PDZD2: variants seen among roughly 807,000 people sequenced by gnomAD.
PDZD2 encodes the protein PDZ domain containing 2, also known as PDZ domain-containing protein 2.
Under a neutral mutation model 220.7 loss-of-function variants are expected in PDZD2, and 90 were observed. The ratio of observed to expected loss-of-function variants is 0.41; its 90% CI spans 0.34 to 0.49. PDZD2 has a LOEUF of 0.49. PDZD2 is among the 20% of genes least tolerant of loss of function. PDZD2 has a pLI of 0.28. For missense variants in PDZD2, 3,174 were observed against 3,608.5 expected (o/e 0.88, Z 3.08); for synonymous variants, 1,375 against 1,450.5 (o/e 0.95, Z 1.18).
intron 2 of PDZD2, among the ~76,000 whole-genome samples, chr5:31,803,809 C>A (rs1167428420): frequency 6.6e-6 from 1 of 151,914 alleles, no homozygotes; most frequent in Non-Finnish European, 1.5e-5. Context: ...GCCGAGATGG[C>A]AAGATTGCTT....
At chr5:32,013,414 ACAC>A (rs1318400450) in intron 6 of PDZD2, among the ~76,000 whole-genome samples, 4 of 147,878 alleles carry the variant, frequency 2.7e-5, no homozygotes, top group Admixed American at 6.9e-5. Flanking sequence ...ATAGTAATTT[ACAC>A]TTGTAGGATA....
At chr5:31,777,882 A>G (rs142613150) in intron 1 of PDZD2, among the ~76,000 whole-genome samples, 69 of 152,350 alleles carry the variant, frequency 4.5e-4, no homozygotes, top group African/African-American at 1.7e-3. Flanking sequence ...TTCACCAATC[A>G]ACACTCTGTG....
intron 1 of PDZD2, among the ~76,000 whole-genome samples, chr5:31,719,443 GAC>G (rs1748649049): frequency 6.6e-6 from 1 of 152,148 alleles, no homozygotes. Flanking sequence ...TGAACTTGCC[GAC>G]AAAACAGTAG....
chr5:31,766,030 A>T (rs1462586585), intron 1 of PDZD2, among the ~76,000 whole-genome samples: 1 of 152,128 alleles, frequency 6.6e-6, no homozygotes, highest in Admixed American at 6.5e-5. Context: ...AATTACAAAA[A>T]TTAGCTGGGC....
intron 1 of PDZD2, among the ~76,000 whole-genome samples, chr5:31,737,464 G>A (rs186468506): frequency 3.1e-3 from 476 of 152,252 alleles, no homozygotes; most frequent in Middle Eastern, 6.8e-3. Flanking sequence ...GAGCTACCGC[G>A]CCCGGCCAGA....
At position 31,928,125 on chromosome 5, in the gene PDZD2, G is replaced by A. The variant is rs372890919; in HGVS notation, c.477-55030G>A. Among the ~76,000 whole-genome samples the A allele has an allele frequency of 3.9e-5, 6 of 152,204 alleles. No homozygotes were observed. The South Asian group carries it at 1.0e-3, about 26-fold the overall frequency. On this transcript the variant is annotated intron_variant, in intron 2 of 24. Coordinates refer to ENST00000438447, the MANE Select transcript of PDZD2 (RefSeq NM_178140.4). ...AAACTGAGATGGCCCTCTGCTGAAG[G>A]GGAGTGCAAATCAGACAGCCAAGGA... is the stretch of plus-strand genomic sequence containing the variant.
chr5:32,007,885 T>C (rs1384067093), intron 5 of PDZD2, among the ~76,000 whole-genome samples: 1 of 152,150 alleles, frequency 6.6e-6, no homozygotes, highest in Admixed American at 6.6e-5. Flanking sequence ...TGGTCCGCAT[T>C]TGCAGCAAGG....
intron 1 of PDZD2, among the ~76,000 whole-genome samples, chr5:31,751,060 T>C (rs531412187): frequency 2.0e-5 from 3 of 152,108 alleles, no homozygotes; most frequent in Non-Finnish European, 4.4e-5. Flanking sequence ...CTGGCCAATG[T>C]GGTGAAACCC....
intron 1 of PDZD2, among the ~76,000 whole-genome samples, chr5:31,700,940 G>A (rs1406304282): frequency 2.0e-5 from 3 of 152,164 alleles, no homozygotes; most frequent in African/African-American, 7.2e-5. Context: ...ATCTCCTGGG[G>A]GGCTGTCTTC....
intron 2 of PDZD2, among the ~76,000 whole-genome samples, chr5:31,899,618 T>C (rs1456816443): frequency 6.6e-6 from 1 of 152,208 alleles, no homozygotes; most frequent in Non-Finnish European, 1.5e-5. Flanking sequence ...GAGTTACTTA[T>C]TTTCACTGAA....
At chr5:31,712,573 T>C (rs1021280826) in intron 1 of PDZD2, among the ~76,000 whole-genome samples, 1 of 152,040 alleles carries the variant, frequency 6.6e-6, no homozygotes, top group Admixed American at 6.6e-5. Flanking sequence ...CTAGATTTCT[T>C]ACATGGCAGC....
intron 1 of PDZD2, among the ~76,000 whole-genome samples, chr5:31,717,333 G>C (rs1278401991): frequency 6.6e-6 from 1 of 152,142 alleles, no homozygotes; most frequent in African/African-American, 2.4e-5. Flanking sequence ...CTAAATCGCT[G>C]TCTCTGCCCT....
chr5:32,002,908 C>CA (rs1561314193), intron 5 of PDZD2, among the ~76,000 whole-genome samples: 2 of 81,464 alleles, frequency 2.5e-5, no homozygotes, highest in Admixed American at 1.3e-4. Flanking sequence ...CACACCCCCA[C>CA]CACACACACA....
Position 32,072,226 on chromosome 5 carries a change from A to C in PDZD2, c.2634A>C (p.Ser878=). The change falls in exon 17 of 25, where the codon TCA becomes TCC. Residue 878 remains serine (S), a synonymous_variant. Transcript: ENST00000438447. ...CCCACGATGTCCCTGGCCCCTTGTC[A>C]GACTTCATGGTGGCCGGTTCTGAGG... The part of the protein sequence containing the change: ...YFAHDVPGPL[S]DFMVAGSEDE... The C allele has an allele frequency of 1.9e-6, 3 of 1,613,894 alleles. 1 individual carries two copies. Among genetic ancestry groups the C allele is most frequent in the Non-Finnish European group, 2.5e-6 (3 of 1,179,798 alleles).
intron 1 of PDZD2, among the ~76,000 whole-genome samples, chr5:31,697,322 G>T (rs1310327064): frequency 6.6e-6 from 1 of 152,134 alleles, no homozygotes; most frequent in Non-Finnish European, 1.5e-5. Context: ...AATTAGCCAG[G>T]CGTGGTGGCG....
intron 2 of PDZD2, among the ~76,000 whole-genome samples, chr5:31,841,191 TTCTC>T (rs75380067): frequency 0.086 from 12,651 of 147,450 alleles, 669 homozygotes; most frequent in Middle Eastern, 0.13. Flanking sequence ...GTCCTGAACT[TTCTC>T]TGTGCACATG....
intron 1 of PDZD2, among the ~76,000 whole-genome samples, chr5:31,771,905 G>T (rs1427096089): frequency 4.0e-5 from 6 of 151,682 alleles, no homozygotes; most frequent in Non-Finnish European, 7.4e-5. Flanking sequence ...TTAGATGAGA[G>T]ATTTTCAAAT....
At position 31,697,800 on chromosome 5, in the gene PDZD2, G is replaced by A. The variant is rs1174374031; in HGVS notation, c.-361+58363G>A. ...AGCCAAGAAGCCACGAGACCTTTGGGTCTGGTTGGGATGCCCTGGCAGTGG... is the reference window on the plus strand; with the variant it reads ...AGCCAAGAAGCCACGAGACCTTTGGATCTGGTTGGGATGCCCTGGCAGTGG... On this transcript the variant is annotated intron_variant, in intron 1 of 24. Transcript: ENST00000438447. 2.6e-5 allele frequency among the ~76,000 whole-genome samples: 4 copies of A among 152,322 alleles called. No individual in the cohort carries two copies. In the South Asian group the frequency reaches 6.2e-4, roughly 24 times the overall value.
chr5:31,866,491 G>A (rs1288088446), intron 2 of PDZD2, among the ~76,000 whole-genome samples: 5 of 152,116 alleles, frequency 3.3e-5, no homozygotes, highest in Admixed American at 2.0e-4. Flanking sequence ...TGGTGATGGC[G>A]TCTGGGAGGA....
Sources: gnomAD v4.1 joint callset for allele counts (sites outside exome capture counted in the v4.1 genomes callset) on GRCh38, gnomAD v4.1.1 for gene constraint, MANE v1.5 for transcripts, NCBI Gene and HGNC (gene_info 2026-07-23, HGNC 2026-07-21) for gene names.